DYM: variants seen among roughly 807,000 people sequenced by gnomAD.
DYM encodes the protein dyggve-Melchior-Clausen syndrome protein.
A neutral mutation model predicts 93.1 loss-of-function variants in DYM; 78 were observed. That is an observed-to-expected ratio of 0.84 (90% CI 0.70 to 1.01). DYM has a LOEUF of 1.01. Among genes scored for constraint, DYM ranks in the 50% least tolerant of loss-of-function variants. The probability of loss-of-function intolerance (pLI) is 0.00; values close to 1 mark genes in which losing one functional copy is unlikely to be tolerated. For missense variants in DYM, 789 were observed against 845.0 expected, an observed-to-expected ratio of 0.93 and a Z score of 0.82; for synonymous variants, 321 against 319.7, an observed-to-expected ratio of 1.00 and a Z score of -0.04.
At chr18:49,263,731 A>G (rs2094526590) in intron 11 of DYM, among the ~76,000 whole-genome samples, 1 of 152,112 alleles carries the variant, frequency 6.6e-6, no homozygotes, top group Admixed American at 6.5e-5. Context: ...TCTGTCTCAA[A>G]AAAGAAAAAA....
At chr18:49,358,329 T>C (rs1453883172) in intron 6 of DYM, among the ~76,000 whole-genome samples, 2 of 152,034 alleles carry the variant, frequency 1.3e-5, no homozygotes, top group African/African-American at 4.8e-5. Flanking sequence ...CATGCAAATA[T>C]CTAAAGGAAG....
intron 17 of DYM, among the ~76,000 whole-genome samples, chr18:49,080,687 C>G (rs1294345282): frequency 1.4e-4 from 20 of 147,128 alleles, no homozygotes; most frequent in South Asian, 2.2e-4. Flanking sequence ...CGGGCAGAGA[C>G]GCTCCTCACT....
intron 16 of DYM, among the ~76,000 whole-genome samples, chr18:49,111,456 A>G (rs1056691660): frequency 1.3e-5 from 2 of 152,186 alleles, no homozygotes; most frequent in Non-Finnish European, 2.9e-5. Context: ...GTTAGACATC[A>G]TGTGTAGAAC....
intron 6 of DYM, among the ~76,000 whole-genome samples, chr18:49,339,820 G>A (rs977527526): frequency 1.3e-5 from 2 of 152,176 alleles, no homozygotes; most frequent in Non-Finnish European, 2.9e-5. Context: ...TGAACAACAC[G>A]AAACATCCAT....
intron 8 of DYM, among the ~76,000 whole-genome samples, chr18:49,287,953 C>T (rs2059774400): frequency 6.6e-6 from 1 of 150,998 alleles, no homozygotes; most frequent in Non-Finnish European, 1.5e-5. Flanking sequence ...GTGTAAAATA[C>T]ACATGAAAAT....
chr18:49,159,949 C>A (rs1244118771), intron 15 of DYM, among the ~76,000 whole-genome samples: 1 of 152,022 alleles, frequency 6.6e-6, no homozygotes, highest in Non-Finnish European at 1.5e-5. Flanking sequence ...ATCTTTGTTT[C>A]ATTTTCTATA....
intron 13 of DYM, among the ~76,000 whole-genome samples, chr18:49,222,577 A>G (rs1047458089): frequency 5.3e-5 from 8 of 152,288 alleles, no homozygotes; most frequent in African/African-American, 1.2e-4. Context: ...ACCAAAAAGA[A>G]TAACTGCTCT....
chr18:49,134,268 G>C (rs1481149281), intron 15 of DYM, among the ~76,000 whole-genome samples: 1 of 152,150 alleles, frequency 6.6e-6, no homozygotes, highest in Non-Finnish European at 1.5e-5. Context: ...TGAAAATCTA[G>C]ACATTTATGA....
intron 17 of DYM, among the ~76,000 whole-genome samples, chr18:49,084,788 T>C (rs1568394766): frequency 6.6e-6 from 1 of 152,124 alleles, no homozygotes; most frequent in Non-Finnish European, 1.5e-5. Flanking sequence ...AAGAAGAAAG[T>C]TGCAAAGGAA....
At chr18:49,296,446 C>T (rs547742465) in intron 8 of DYM, among the ~76,000 whole-genome samples, 3 of 152,138 alleles carry the variant, frequency 2.0e-5, no homozygotes, top group Non-Finnish European at 4.4e-5. Context: ...GTACAAAAAA[C>T]TGGATTAGAC....
At chr18:49,292,601 A>C (rs1434317681) in intron 8 of DYM, among the ~76,000 whole-genome samples, 5,823 of 67,028 alleles carry the variant, frequency 0.087, 381 homozygotes, top group East Asian at 0.37. Context: ...GGAAAAAAAA[A>C]AAAAAAAAAA....
At chr18:49,122,760 C>T (rs1480459262) in intron 15 of DYM, among the ~76,000 whole-genome samples, 1 of 152,146 alleles carries the variant, frequency 6.6e-6, no homozygotes, top group African/African-American at 2.4e-5. Flanking sequence ...GGGACCGCTG[C>T]TTTATATTCT....
At chr18:49,155,372 T>C (rs938417340) in intron 15 of DYM, among the ~76,000 whole-genome samples, 2 of 152,240 alleles carry the variant, frequency 1.3e-5, no homozygotes, top group Admixed American at 6.5e-5. Context: ...TACTTTTTTT[T>C]CAATGGCTTC....
chr18:49,299,458 C>A (rs557464264), intron 8 of DYM, among the ~76,000 whole-genome samples: 15 of 152,266 alleles, frequency 9.9e-5, no homozygotes, highest in African/African-American at 3.6e-4. Context: ...ACCAGAGACT[C>A]CTTCTTCAAA....
chr18:49,195,056 T>A lies in DYM; in HGVS notation c.1625+14495A>T, dbSNP rs553283160. ...AGTGGCAAAATTTAATGTAAAATAATTTTGCTTTCCCTTCTGTGCTCTTCT... is the reference window on the plus strand; with the variant it reads ...AGTGGCAAAATTTAATGTAAAATAAATTTGCTTTCCCTTCTGTGCTCTTCT... On this transcript the variant is annotated intron_variant, in intron 14 of 17. Transcript: ENST00000675505. 2.6e-5 allele frequency among the ~76,000 whole-genome samples: 4 copies of A among 152,262 alleles called. No individual in the cohort carries two copies. The South Asian group carries it at 6.2e-4, about 24-fold the overall frequency.
At chr18:49,149,819 G>C (rs906066411) in intron 15 of DYM, among the ~76,000 whole-genome samples, 3 of 143,432 alleles carry the variant, frequency 2.1e-5, no homozygotes, top group Non-Finnish European at 3.0e-5. Context: ...CGATTCTCCT[G>C]CCTCAGCCTC....
At chr18:49,261,341 G>C (rs1292308238) in intron 11 of DYM, among the ~76,000 whole-genome samples, 2 of 152,118 alleles carry the variant, frequency 1.3e-5, no homozygotes, top group African/African-American at 4.8e-5. Context: ...CTCACTACAT[G>C]GTGGTTAAAT....
At chr18:49,172,337 T>C (rs1043912493) in intron 14 of DYM, among the ~76,000 whole-genome samples, 3 of 152,238 alleles carry the variant, frequency 2.0e-5, no homozygotes, top group African/African-American at 7.2e-5. Context: ...ACATATGTTT[T>C]CATTTCTCTT....
At chr18:49,285,883 T>C (rs917372652) in intron 9 of DYM, among the ~76,000 whole-genome samples, 10 of 152,222 alleles carry the variant, frequency 6.6e-5, no homozygotes, top group Non-Finnish European at 1.5e-5. Context: ...GCCCCTTGTC[T>C]GGAAGTAAAG....
Sources: gnomAD v4.1 joint callset for allele counts (sites outside exome capture counted in the v4.1 genomes callset) on GRCh38, gnomAD v4.1.1 for gene constraint, MANE v1.5 for transcripts, NCBI Gene and HGNC (gene_info 2026-07-23, HGNC 2026-07-21) for gene names.